GRAMD1C: variants seen among roughly 807,000 people sequenced by gnomAD.
The protein encoded by GRAMD1C is GRAM domain containing 1C.
In GRAMD1C, 89 loss-of-function variants were observed where a neutral mutation model predicts 97.8. That is an observed-to-expected ratio of 0.91 (90% confidence interval 0.77 to 1.09). The LOEUF (loss-of-function observed/expected upper bound fraction) is 1.09. Ranked by LOEUF, GRAMD1C falls within the 50% of genes least tolerant of loss-of-function variation. The probability of loss-of-function intolerance (pLI) is 0.00; values close to 1 mark genes in which losing one functional copy is unlikely to be tolerated. For missense variants in GRAMD1C, 740 were observed against 766.4 expected, an observed-to-expected ratio of 0.97 and a Z score of 0.41; for synonymous variants, 256 against 267.0, an observed-to-expected ratio of 0.96 and a Z score of 0.40.
At chr3:113,934,660 T>C (rs1002228218) in intron 13 of GRAMD1C, 125 bp downstream of exon 13, 20 of 561,604 alleles carry the variant, frequency 3.6e-5, no homozygotes, top group African/African-American at 2.8e-4. Flanking sequence ...CCCATGAAAG[T>C]GGTTCCCACT....
intron 14 of GRAMD1C, 46 bp downstream of exon 14, chr3:113,936,488 T>C (rs756910664): frequency 4.2e-5 from 54 of 1,270,766 alleles, no homozygotes; most frequent in Non-Finnish European, 5.7e-5. Context: ...TTACTTTAGT[T>C]ATATGAAGCA....
chr3:113,882,584 G>A (rs900677798), intron 5 of GRAMD1C, among the ~76,000 whole-genome samples, 168 bp from the exon 6 acceptor site: 29 of 152,052 alleles, frequency 1.9e-4, no homozygotes, highest in Non-Finnish European at 2.5e-4. Context: ...GCAACTACCC[G>A]TGTTTCTTCT....
At position 113,936,371 on chromosome 3, in the gene GRAMD1C, A is replaced by G. The variant is rs1448116229; in HGVS notation, c.1562A>G (p.Glu521Gly). The G allele has an allele frequency of 2.0e-5, 33 of 1,613,562 alleles. No individual in the cohort carries two copies. Among genetic ancestry groups the G allele is most frequent in the Non-Finnish European group, 2.6e-5 (31 of 1,179,462 alleles). ...RRRRTFNRTA[E>G]TVPKLSSQHS... ...AGGCGAACCTTCAACCGAACAGCAG[A>G]AACAGTTCCTAAACTTTCCTCTCAG... The change falls in exon 14 of 18, where the codon GAA becomes GGA. Residue 521 changes from glutamate (E) to glycine (G), a missense_variant. Glu to Gly is a moderately conservative substitution (Grantham distance 98). Coordinates refer to ENST00000358160, the MANE Select transcript of GRAMD1C (RefSeq NM_017577.5).
intron 10 of GRAMD1C, among the ~76,000 whole-genome samples, chr3:113,922,074 CT>C (rs373661337): frequency 7.4e-5 from 11 of 148,712 alleles, no homozygotes; most frequent in East Asian, 4.0e-4. Flanking sequence ...AATTTTCTTT[CT>C]TTTTTTTTTC....
intron 5 of GRAMD1C, 135 bp from the exon 6 acceptor site, chr3:113,882,617 A>G (rs1371084298): frequency 2.1e-5 from 10 of 484,438 alleles, no homozygotes; most frequent in Non-Finnish European, 3.4e-5. Context: ...AGTTAAATAA[A>G]AATAGTATAC....
At position 113,848,926 on chromosome 3, in the gene GRAMD1C, A is replaced by G. The variant is rs565064719; in HGVS notation, c.174+4277A>G. Among the ~76,000 whole-genome samples, 10 of 152,364 alleles carry G rather than the reference A, an allele frequency of 6.6e-5. No homozygotes were observed. The South Asian group carries it at 2.1e-3, about 32-fold the overall frequency. ...AAATGATGAAATGAAATTTAAAATA[A>G]TGGCAAATATTTATGCTTTTGCCCA... On this transcript the variant is annotated intron_variant, in intron 2 of 17. Coordinates refer to ENST00000358160, the MANE Select transcript of GRAMD1C (RefSeq NM_017577.5).
chr3:113,872,011 A>T (rs142041928), intron 3 of GRAMD1C, among the ~76,000 whole-genome samples: 1 of 152,326 alleles, frequency 6.6e-6, no homozygotes, highest in East Asian at 1.9e-4. Flanking sequence ...TGTTTAATTC[A>T]GTGTCTAGAA....
At chr3:113,850,493 A>G in intron 2 of GRAMD1C, 2 of 1,538,278 alleles carry the variant, frequency 1.3e-6, no homozygotes, top group Admixed American at 1.7e-5. Flanking sequence ...GAAGATAATC[A>G]TGGAGATACT....
At chr3:113,831,026 T>C (rs1709550761) in intron 1 of GRAMD1C, among the ~76,000 whole-genome samples, 1 of 152,076 alleles carries the variant, frequency 6.6e-6, no homozygotes. Flanking sequence ...GAGGCAGAGG[T>C]TGCAGTGAGC....
At chr3:113,893,478 G>T (rs1293800374) in intron 6 of GRAMD1C, among the ~76,000 whole-genome samples, 1 of 151,940 alleles carries the variant, frequency 6.6e-6, no homozygotes, top group African/African-American at 2.4e-5. Context: ...CTGAAGTCAG[G>T]TTCTTTCTTT....
chr3:113,864,126 A>G (rs1454729414), intron 2 of GRAMD1C, among the ~76,000 whole-genome samples: 11 of 151,990 alleles, frequency 7.2e-5, no homozygotes. Context: ...CTTTATTTTA[A>G]TTTTGAGATG....
At chr3:113,875,361 AG>A in intron 3 of GRAMD1C, 122 bp from the exon 4 acceptor site, 1 of 602,842 alleles carries the variant, frequency 1.7e-6, no homozygotes, top group Non-Finnish European at 3.0e-6. Flanking sequence ...AAGTAGATGA[AG>A]GAATGAATGA....
intron 10 of GRAMD1C, among the ~76,000 whole-genome samples, chr3:113,918,840 G>A (rs949262356): frequency 1.3e-5 from 2 of 152,076 alleles, no homozygotes; most frequent in African/African-American, 4.8e-5. Flanking sequence ...CCACAGGTGT[G>A]CACCACAATG....
At chr3:113,885,570 G>T (rs1935443814) in intron 6 of GRAMD1C, 1 of 1,560,360 alleles carries the variant, frequency 6.4e-7, no homozygotes, top group African/African-American at 1.4e-5. Context: ...TAGGCCTCCT[G>T]ACTTCATCCT....
intron 6 of GRAMD1C, among the ~76,000 whole-genome samples, chr3:113,888,264 A>G (rs1465697106): frequency 1.3e-5 from 2 of 152,212 alleles, no homozygotes; most frequent in Non-Finnish European, 1.5e-5. Context: ...ATGAAAAGGT[A>G]TATACTATTA....
At chr3:113,850,771 T>C (rs1201895409) in intron 2 of GRAMD1C, 1 of 947,568 alleles carries the variant, frequency 1.1e-6, no homozygotes, top group African/African-American at 1.7e-5. Context: ...CTGGAAAGGA[T>C]ATACTTAATT....
At chr3:113,852,659 C>T (rs934799700) in intron 2 of GRAMD1C, among the ~76,000 whole-genome samples, 3 of 151,988 alleles carry the variant, frequency 2.0e-5, no homozygotes, top group African/African-American at 7.3e-5. Flanking sequence ...AGTTGTAAGC[C>T]CATAAGCTAA....
chr3:113,880,475 C>G (rs1577157461), intron 5 of GRAMD1C, among the ~76,000 whole-genome samples: 1 of 151,650 alleles, frequency 6.6e-6, no homozygotes, highest in East Asian at 1.9e-4. Flanking sequence ...GTAGATAGAC[C>G]CACCTCTTTT....
At chr3:113,830,668 T>C (rs1159015253) in intron 1 of GRAMD1C, among the ~76,000 whole-genome samples, 3 of 152,224 alleles carry the variant, frequency 2.0e-5, no homozygotes, top group African/African-American at 7.2e-5. Flanking sequence ...GTAAAAATAT[T>C]GTACTATAAT....
Sources: allele counts gnomAD v4.1 joint callset (sites outside exome capture counted in the v4.1 genomes callset), GRCh38; gene constraint gnomAD v4.1.1; transcripts MANE v1.5; gene names NCBI Gene and HGNC (gene_info 2026-07-23, HGNC 2026-07-21).